EEPD1: variants seen among roughly 807,000 people sequenced by gnomAD.
EEPD1 encodes the protein endonuclease/exonuclease/phosphatase family domain containing 1.
EEPD1 carries 17 observed loss-of-function variants against 46.3 expected under a neutral mutation model. The ratio of observed to expected loss-of-function variants is 0.37; its 90% CI spans 0.25 to 0.55. The LOEUF is 0.55. Among genes scored for constraint, EEPD1 ranks in the 20% least tolerant of loss-of-function variants. The pLI, the probability that EEPD1 is intolerant of heterozygous loss-of-function variation, is 0.83. For synonymous variants in EEPD1, 313 were observed against 315.6 expected, an observed-to-expected ratio of 0.99 and a Z score of 0.09; for missense variants, 673 against 745.6, an observed-to-expected ratio of 0.90 and a Z score of 1.13.
At chr7:36,173,342 A>AC (rs1181444443) in intron 2 of EEPD1, among the ~76,000 whole-genome samples, 4 of 150,712 alleles carry the variant, frequency 2.7e-5, no homozygotes, top group Non-Finnish European at 5.9e-5. Flanking sequence ...AAAAAAAAAA[A>AC]AAAAAACTTA....
intron 3 of EEPD1, among the ~76,000 whole-genome samples, chr7:36,256,581 T>C: frequency 6.6e-6 from 1 of 152,316 alleles, no homozygotes; most frequent in African/African-American, 2.4e-5. Flanking sequence ...TGTAATGCCC[T>C]TCTTTGTCTT....
At chr7:36,248,027 A>G (rs1204340658) in intron 3 of EEPD1, among the ~76,000 whole-genome samples, 1 of 152,140 alleles carries the variant, frequency 6.6e-6, no homozygotes, top group Non-Finnish European at 1.5e-5. Context: ...AGCACCTAAA[A>G]GTGAAGGAAC....
At chr7:36,287,158 A>ACC (rs1319218680) in intron 5 of EEPD1, among the ~76,000 whole-genome samples, 2 of 138,174 alleles carry the variant, frequency 1.4e-5, no homozygotes, top group African/African-American at 5.3e-5. Context: ...AATCACTTGA[A>ACC]CCCGGGAGGC....
chr7:36,297,266 T>C, intron 7 of EEPD1, 79 bp downstream of exon 7: 1 of 1,478,692 alleles, frequency 6.8e-7, no homozygotes, highest in African/African-American at 1.4e-5. Flanking sequence ...AGAAGTCATC[T>C]CACCTCCTCT....
In EEPD1 at chr7:36,222,949, G is replaced by A. The variant is rs188697634; in HGVS notation, c.879-16036G>A. On this transcript the variant is annotated intron_variant, in intron 2 of 7. Coordinates refer to ENST00000242108, the MANE Select transcript of EEPD1 (RefSeq NM_030636.3). Reference sequence around the variant, plus strand: ...GCAGATCGCTTGAGGTCAGGAGTTCGAGACCAGCCTGGCCAACATGGCAAA... The same window carrying A: ...GCAGATCGCTTGAGGTCAGGAGTTCAAGACCAGCCTGGCCAACATGGCAAA... Among the ~76,000 whole-genome samples the A allele has an allele frequency of 7.8e-3, 1,185 of 152,186 alleles. 3 individuals are homozygous for A. The highest frequency in any genetic ancestry group is 0.013 in the Non-Finnish European group (892 of 68,008).
intron 6 of EEPD1, among the ~76,000 whole-genome samples, chr7:36,294,747 T>C (rs1386696561): frequency 6.6e-6 from 1 of 151,692 alleles, no homozygotes; most frequent in Non-Finnish European, 1.5e-5. Context: ...ATATGGAGAG[T>C]TCATATAAAT....
At chr7:36,291,416 A>G (rs1262740358) in intron 6 of EEPD1, among the ~76,000 whole-genome samples, 2 of 151,766 alleles carry the variant, frequency 1.3e-5, no homozygotes, top group Non-Finnish European at 2.9e-5. Context: ...AAACCTTCCC[A>G]CCTCTGGGAG....
At chr7:36,235,306 C>G (rs1255577873) in intron 2 of EEPD1, among the ~76,000 whole-genome samples, 2 of 152,254 alleles carry the variant, frequency 1.3e-5, no homozygotes, top group Admixed American at 1.3e-4. Flanking sequence ...GGGGAAAATA[C>G]CTCCCCTGTC....
At chr7:36,292,108 A>G (rs984080018) in intron 6 of EEPD1, among the ~76,000 whole-genome samples, 2 of 152,180 alleles carry the variant, frequency 1.3e-5, no homozygotes, top group Non-Finnish European at 2.9e-5. Flanking sequence ...GTGAAGCTGT[A>G]TCAGGAAACT....
At chr7:36,254,817 A>G (rs143786760) in intron 3 of EEPD1, among the ~76,000 whole-genome samples, 15,677 of 152,172 alleles carry the variant, frequency 0.1, 1,118 homozygotes, top group East Asian at 0.36. Flanking sequence ...TGACTTTTTA[A>G]TGATCGCCAT....
chr7:36,175,485 G>A (rs1785161664), intron 2 of EEPD1, among the ~76,000 whole-genome samples: 2 of 151,676 alleles, frequency 1.3e-5, no homozygotes, highest in South Asian at 4.2e-4. Flanking sequence ...TCCCACCTTG[G>A]CCCCCAAAAG....
At chr7:36,201,074 A>G (rs979904538) in intron 2 of EEPD1, among the ~76,000 whole-genome samples, 8 of 152,128 alleles carry the variant, frequency 5.3e-5, no homozygotes, top group Non-Finnish European at 8.8e-5. Context: ...AAAAATGCAT[A>G]ATCAGAATTT....
intron 2 of EEPD1, among the ~76,000 whole-genome samples, chr7:36,177,747 T>C (rs1307219480): frequency 6.6e-6 from 1 of 152,196 alleles, no homozygotes; most frequent in Non-Finnish European, 1.5e-5. Context: ...AGAATCTCAC[T>C]CTGTCACCCA....
intron 6 of EEPD1, among the ~76,000 whole-genome samples, chr7:36,296,694 C>CTTTTTT (rs60706978): frequency 3.4e-4 from 28 of 83,130 alleles, no homozygotes; most frequent in African/African-American, 6.1e-4. Flanking sequence ...ACCCTTAGGT[C>CTTTTTT]TTTTTTTTTT....
chr7:36,288,872 T>C (rs910640866), intron 6 of EEPD1, among the ~76,000 whole-genome samples: 1 of 152,198 alleles, frequency 6.6e-6, no homozygotes, highest in African/African-American at 2.4e-5. Flanking sequence ...TTGACAAGGC[T>C]GTGAAGACTG....
chr7:36,216,808 C>CT (rs1357316798), intron 2 of EEPD1, among the ~76,000 whole-genome samples: 1 of 152,168 alleles, frequency 6.6e-6, no homozygotes, highest in Admixed American at 6.5e-5. Context: ...TTGGTGGCAA[C>CT]TTAAAATAAC....
At position 36,268,243 on chromosome 7, in the gene EEPD1, G is replaced by A. The variant is rs190820861; in HGVS notation, c.931-12872G>A. ...CTCGGCTCACTGCAACCTCTGCCTC[G>A]CAGGTTCAGGTGATTCTCTTGCCTC... On this transcript the variant is annotated intron_variant, in intron 3 of 7. Transcript: ENST00000242108. Among the ~76,000 whole-genome samples, 412 of 151,276 alleles carry A rather than the reference G, an allele frequency of 2.7e-3. 3 individuals are homozygous for A. The highest frequency in any genetic ancestry group is 0.017 in the Middle Eastern group (5 of 294).
chr7:36,236,302 G>A (rs114255392), intron 2 of EEPD1, among the ~76,000 whole-genome samples: 61 of 152,332 alleles, frequency 4.0e-4, no homozygotes, highest in African/African-American at 1.5e-3. Flanking sequence ...AGAGAGGCGC[G>A]GGCGGAAGCG....
chr7:36,276,030 T>G (rs1271081657), intron 3 of EEPD1, among the ~76,000 whole-genome samples: 1 of 152,178 alleles, frequency 6.6e-6, no homozygotes, highest in African/African-American at 2.4e-5. Context: ...ATCTCGTAGA[T>G]TGGAGTTTAA....
Sources: gnomAD v4.1 joint callset for allele counts (sites outside exome capture counted in the v4.1 genomes callset) on GRCh38, gnomAD v4.1.1 for gene constraint, MANE v1.5 for transcripts, NCBI Gene and HGNC (gene_info 2026-07-23, HGNC 2026-07-21) for gene names.